Variants in MYO3B observed in about 807,000 individuals in gnomAD.
The protein encoded by MYO3B is myosin-IIIb.
In MYO3B, 156 loss-of-function variants were observed where a neutral mutation model predicts 174.6. The ratio of observed to expected loss-of-function variants is 0.89; its 90% confidence interval spans 0.78 to 1.02. The LOEUF (loss-of-function observed/expected upper bound fraction) is 1.02. MYO3B is among the 50% of genes least tolerant of loss of function. MYO3B has a pLI of 0.00. For synonymous variants in MYO3B, 563 were observed against 569.1 expected, an observed-to-expected ratio of 0.99 and a Z score of 0.15; for missense variants, 1,632 against 1,639.4, an observed-to-expected ratio of 1.00 and a Z score of 0.08.
intron 25 of MYO3B, among the ~76,000 whole-genome samples, chr2:170,472,671 A>T (rs1310607783): frequency 1.4e-5 from 2 of 140,704 alleles, no homozygotes; most frequent in South Asian, 5.1e-4. Flanking sequence ...CTCACTTTTT[A>T]TCTATTTATT....
intron 25 of MYO3B, among the ~76,000 whole-genome samples, chr2:170,484,085 G>A (rs954887627): frequency 1.3e-5 from 2 of 152,236 alleles, no homozygotes; most frequent in Admixed American, 1.3e-4. Flanking sequence ...TTGGGTAGGA[G>A]AAGAGAAAAA....
intron 9 of MYO3B, among the ~76,000 whole-genome samples, chr2:170,370,594 A>T (rs1044985998): frequency 1.3e-4 from 19 of 148,606 alleles, no homozygotes; most frequent in Non-Finnish European, 2.4e-4. Context: ...TTTGGTTCCT[A>T]TACACCAGCC....
At chr2:170,375,625 C>G (rs540716556) in intron 9 of MYO3B, among the ~76,000 whole-genome samples, 1 of 151,768 alleles carries the variant, frequency 6.6e-6, no homozygotes, top group East Asian at 1.9e-4. Flanking sequence ...GCAGCAATGA[C>G]CTTTAAAAAC....
At chr2:170,631,644 C>A (rs1056707780) in intron 32 of MYO3B, among the ~76,000 whole-genome samples, 8 of 151,952 alleles carry the variant, frequency 5.3e-5, no homozygotes, top group South Asian at 2.1e-4. Flanking sequence ...ATGTTAAGGG[C>A]AGCCAGAGAG....
In MYO3B at chr2:170,304,334, A is replaced by G. The variant is rs138965920; in HGVS notation, c.750-31051A>G. 2.2e-3 allele frequency among the ~76,000 whole-genome samples: 333 copies of G among 152,244 alleles called. 1 individual carries two copies. The highest frequency in any genetic ancestry group is 7.7e-3 in the African/African-American group (319 of 41,542). The stretch of plus-strand genomic sequence containing the variant: ...AAAATTTTTCCAATATGATGGATAA[A>G]ATTATATCTTGTTTTCATTATTTTG... On this transcript the variant is annotated intron_variant, in intron 7 of 34. Coordinates refer to ENST00000408978, the MANE Select transcript of MYO3B (RefSeq NM_138995.5).
chr2:170,369,325 C>A lies in MYO3B; in HGVS notation c.919C>A (p.Leu307Met), dbSNP rs1424646958. 2.5e-6 allele frequency: 4 copies of A among 1,613,626 alleles called. No homozygotes were observed. The highest frequency in any genetic ancestry group is 3.4e-6 in the Non-Finnish European group (4 of 1,179,722). Residue 307 changes from leucine to methionine, a missense_variant, in exon 9 of 35, where the codon CTG becomes ATG. Coordinates refer to ENST00000408978, the MANE Select transcript of MYO3B (RefSeq NM_138995.5). ...HGKVLFLQKQ[L>M]AKVLQDQKHQ... ...AAAAGTTCTGTTTCTGCAAAAACAGCTGGCCAAGGTTCTCCAAGACCAGAA... is the reference window on the plus strand; with the variant it reads ...AAAAGTTCTGTTTCTGCAAAAACAGATGGCCAAGGTTCTCCAAGACCAGAA...
At chr2:170,354,994 A>G (rs773136147) in intron 8 of MYO3B, among the ~76,000 whole-genome samples, 14 of 152,140 alleles carry the variant, frequency 9.2e-5, no homozygotes, top group Non-Finnish European at 1.8e-4. Context: ...CTTGTCTAAA[A>G]TCACACAGAA....
In MYO3B at chr2:170,306,174, C is replaced by G. The variant is rs1203099101; in HGVS notation, c.750-29211C>G. On this transcript the variant is annotated intron_variant, in intron 7 of 34. Transcript: ENST00000408978. ...CAGCGGGATAGTTGGACTTACATAT[C>G]TGTTCAAGGCTCCAAGAGTAGGCAT... 3.3e-5 allele frequency among the ~76,000 whole-genome samples: 5 copies of G among 152,150 alleles called. No homozygotes were observed. In the East Asian group the frequency reaches 9.6e-4, roughly 29 times the overall value.
At chr2:170,283,495 A>C (rs2093529691) in intron 7 of MYO3B, among the ~76,000 whole-genome samples, 1 of 152,154 alleles carries the variant, frequency 6.6e-6, no homozygotes. Flanking sequence ...AGCCATCTTG[A>C]ACCTCTCCCC....
At position 170,228,661 on chromosome 2, in the gene MYO3B, A is replaced by G. The variant is rs140709918; in HGVS notation, c.604-7330A>G. On this transcript the variant is annotated intron_variant, in intron 6 of 34. Coordinates refer to ENST00000408978, the MANE Select transcript of MYO3B (RefSeq NM_138995.5). ...GTTCCTCTTCTACCCTCCACTAGCT[A>G]TGGTGGGAAGCTGGTGTAGTGTAAG... is the stretch of plus-strand genomic sequence containing the variant. Among the ~76,000 whole-genome samples the G allele has an allele frequency of 2.4e-3, 365 of 152,198 alleles. 1 individual carries two copies. The highest frequency in any genetic ancestry group is 6.8e-3 in the Middle Eastern group (2 of 294).
intron 30 of MYO3B, among the ~76,000 whole-genome samples, chr2:170,526,502 T>C (rs1459497348): frequency 6.6e-6 from 1 of 152,212 alleles, no homozygotes; most frequent in Non-Finnish European, 1.5e-5. Flanking sequence ...GCTTTAACTT[T>C]AGAGACAAAT....
At chr2:170,619,535 C>T (rs546955280) in intron 32 of MYO3B, among the ~76,000 whole-genome samples, 55 of 152,138 alleles carry the variant, frequency 3.6e-4, no homozygotes, top group African/African-American at 1.3e-3. Context: ...TGTGAAGTCT[C>T]AGTTTGGGGA....
chr2:170,501,312 C>G (rs144744812), intron 27 of MYO3B, among the ~76,000 whole-genome samples: 9 of 152,294 alleles, frequency 5.9e-5, no homozygotes, highest in Non-Finnish European at 1.3e-4. Flanking sequence ...TTATCATTTC[C>G]CTTAACTCCG....
chr2:170,348,905 A>T (rs13008840), intron 8 of MYO3B, among the ~76,000 whole-genome samples: 1 of 151,940 alleles, frequency 6.6e-6, no homozygotes. Context: ...TATAGGGGCC[A>T]AGTGTTTCTG....
chr2:170,552,117 C>CT (rs1364038214), intron 32 of MYO3B, among the ~76,000 whole-genome samples: 2 of 152,056 alleles, frequency 1.3e-5, no homozygotes, highest in Non-Finnish European at 2.9e-5. Context: ...TGAGAATGGA[C>CT]TAATACAGAA....
At chr2:170,640,520 T>C (rs1000875733) in intron 32 of MYO3B, 4 of 152,202 alleles carry the variant, frequency 2.6e-5, no homozygotes, top group African/African-American at 9.6e-5. Context: ...CATGGGCCAC[T>C]AGTGGTCACC....
At chr2:170,498,861 C>T (rs137936079) in intron 26 of MYO3B, among the ~76,000 whole-genome samples, 158 bp downstream of exon 26, 83 of 152,212 alleles carry the variant, frequency 5.5e-4, no homozygotes, top group African/African-American at 1.8e-3. Flanking sequence ...AGGTTGGGGA[C>T]GTTAGGGAGT....
intron 3 of MYO3B, among the ~76,000 whole-genome samples, chr2:170,214,048 T>TA (rs1471475101): frequency 6.6e-6 from 1 of 152,242 alleles, no homozygotes; most frequent in East Asian, 1.9e-4. Flanking sequence ...TTATTATTTA[T>TA]ATGCTTTTTC....
chr2:170,332,900 G>T (rs576586355), intron 7 of MYO3B, among the ~76,000 whole-genome samples: 18 of 152,190 alleles, frequency 1.2e-4, no homozygotes, highest in African/African-American at 3.9e-4. Flanking sequence ...TTGGACCCTT[G>T]CCAGGTCACT....
Sources: allele counts gnomAD v4.1 joint callset (sites outside exome capture counted in the v4.1 genomes callset), GRCh38; gene constraint gnomAD v4.1.1; transcripts MANE v1.5; gene names NCBI Gene and HGNC (gene_info 2026-07-23, HGNC 2026-07-21).